The following SATB2 variants were observed in gnomAD, a reference collection of about 807,000 sequenced individuals.
SATB2 encodes SATB homeobox 2.
A neutral mutation model predicts 73.4 loss-of-function variants in SATB2; 1 was observed. The ratio of observed to expected loss-of-function variants is 0.01; its 90% CI spans 0.00 to 0.06. The LOEUF is 0.06. SATB2 is among the 10% of genes least tolerant of loss of function. The pLI, the probability that SATB2 is intolerant of heterozygous loss-of-function variation, is 1.00. For missense variants in SATB2, 459 were observed against 945.8 expected, an observed-to-expected ratio of 0.49 and a Z score of 6.75; for synonymous variants, 397 against 367.0, an observed-to-expected ratio of 1.08 and a Z score of -0.93.
At chr2:199,456,899 T>G (rs953788068) in intron 1 of SATB2, among the ~76,000 whole-genome samples, 4 of 151,450 alleles carry the variant, frequency 2.6e-5, no homozygotes, top group Non-Finnish European at 5.9e-5. Flanking sequence ...CTCCAGAAAG[T>G]TTTCCTCTGG....
chr2:199,315,366 G>C (rs931409469), intron 9 of SATB2, among the ~76,000 whole-genome samples: 2 of 152,018 alleles, frequency 1.3e-5, no homozygotes, highest in African/African-American at 4.8e-5. Flanking sequence ...GGCTGAGAAT[G>C]TTCAAATGAC....
At position 199,307,580 on chromosome 2, in the gene SATB2, T is replaced by C. The variant is rs557502077; in HGVS notation, c.1740+1180A>G. Among the ~76,000 whole-genome samples, 19 of 152,296 alleles carry C rather than the reference T, an allele frequency of 1.2e-4. No individual in the cohort carries two copies. In the South Asian group the frequency reaches 1.9e-3, roughly 15 times the overall value. ...TGCCTCTACAAATTCATAAGCCTAA[T>C]TGCCAAACTATTAAGTTTGGGCAAT... On this transcript the variant is annotated intron_variant, in intron 10 of 10. Coordinates refer to ENST00000417098, the MANE Select transcript of SATB2 (RefSeq NM_001172509.2).
intron 3 of SATB2, among the ~76,000 whole-genome samples, chr2:199,419,439 A>C (rs1454034106): frequency 1.3e-5 from 2 of 152,244 alleles, no homozygotes; most frequent in African/African-American, 4.8e-5. Context: ...CTTATTTCTA[A>C]GGAGTAAGTT....
At position 199,455,586 on chromosome 2, in the gene SATB2, AT is replaced by A. The variant is rs1402131579; in HGVS notation, c.169+282del. Among the ~76,000 whole-genome samples the A allele has an allele frequency of 6.6e-6, 1 of 152,356 alleles. No homozygotes were observed. The highest frequency in any genetic ancestry group is 1.5e-5 in the Non-Finnish European group (1 of 68,038). ...AATCACTAAAAAGCTCTCTAGGAAA[AT>A]CTAGAAACAGTTAGCTGGCTGTGAC... On this transcript the variant is annotated intron_variant, in intron 2 of 10. Transcript: ENST00000417098. The surrounding 1 kb of genome is among the most constrained non-coding windows in gnomAD (Gnocchi z 4.1).
At chr2:199,303,467 G>A (rs574681281) in intron 10 of SATB2, among the ~76,000 whole-genome samples, 2 of 152,254 alleles carry the variant, frequency 1.3e-5, no homozygotes, top group South Asian at 4.1e-4. Context: ...CTCAGAATCA[G>A]TCTCAGAGAT....
At chr2:199,397,033 T>A (rs1156454079) in intron 3 of SATB2, 1 of 151,536 alleles carries the variant, frequency 6.6e-6, no homozygotes, top group African/African-American at 2.4e-5. Context: ...AAATAAAAGG[T>A]GCTAGGAAAT....
At chr2:199,428,816 G>A (rs76070955) in intron 3 of SATB2, among the ~76,000 whole-genome samples, 4,389 of 152,128 alleles carry the variant, frequency 0.029, 233 homozygotes, top group African/African-American at 0.1. Context: ...AGAATCACCT[G>A]AGGCAACATA....
chr2:199,428,708 T>C (rs1255289687), intron 3 of SATB2, among the ~76,000 whole-genome samples: 1 of 152,228 alleles, frequency 6.6e-6, no homozygotes, highest in Admixed American at 6.5e-5. Context: ...ATATAGTAAT[T>C]GCTCAGTTGT....
rs1005710756 is a variant in SATB2, at chr2:199,364,409, C to G, written c.700+4196G>C. ...AGATCAGACAGGGTCAGATAAAATACTGATTAGTAGAATAAACCAGGCTTG... is the reference window on the plus strand; with the variant it reads ...AGATCAGACAGGGTCAGATAAAATAGTGATTAGTAGAATAAACCAGGCTTG... On this transcript the variant is annotated intron_variant, in intron 6 of 10. Transcript: ENST00000417098. Among the ~76,000 whole-genome samples the G allele has an allele frequency of 2.0e-5, 3 of 152,254 alleles. No homozygotes were observed. The East Asian group carries it at 5.8e-4, about 29-fold the overall frequency.
intron 7 of SATB2, among the ~76,000 whole-genome samples, chr2:199,346,052 A>T (rs1688641421): frequency 6.6e-6 from 1 of 152,238 alleles, no homozygotes; most frequent in East Asian, 1.9e-4. Context: ...AGTTTTTCCC[A>T]TAAAAAGGTA....
At chr2:199,374,528 T>C (rs1689540909) in intron 5 of SATB2, among the ~76,000 whole-genome samples, 1 of 152,210 alleles carries the variant, frequency 6.6e-6, no homozygotes, top group Admixed American at 6.5e-5. Flanking sequence ...TGCTACTCAG[T>C]TGTAAGCTTA....
At chr2:199,327,010 T>G (rs1362458882) in intron 8 of SATB2, among the ~76,000 whole-genome samples, 1 of 152,154 alleles carries the variant, frequency 6.6e-6, no homozygotes, top group Non-Finnish European at 1.5e-5. Context: ...GCTCAAATAT[T>G]TCTACTAGGA....
At chr2:199,379,430 G>A (rs1689698909) in intron 5 of SATB2, among the ~76,000 whole-genome samples, 1 of 152,090 alleles carries the variant, frequency 6.6e-6, no homozygotes, top group African/African-American at 2.4e-5. Flanking sequence ...TGCATAGATG[G>A]ATTTAGCATG....
intron 3 of SATB2, among the ~76,000 whole-genome samples, chr2:199,390,397 CTTA>C (rs1050080129): frequency 3.3e-5 from 5 of 152,068 alleles, no homozygotes. Flanking sequence ...TACATATTTT[CTTA>C]TTGTTGTTCT....
chr2:199,276,595 T>A (rs1249782846), intron 10 of SATB2, among the ~76,000 whole-genome samples: 1 of 152,220 alleles, frequency 6.6e-6, no homozygotes, highest in Non-Finnish European at 1.5e-5. Context: ...TTACTCCAAC[T>A]AAGAGAATGC....
intron 3 of SATB2, among the ~76,000 whole-genome samples, chr2:199,409,332 G>C (rs747360652): frequency 6.6e-6 from 1 of 151,992 alleles, no homozygotes; most frequent in East Asian, 1.9e-4. Flanking sequence ...CACCACGCCC[G>C]GCTAATTTTG....
chr2:199,289,021 C>T (rs2105738627), intron 10 of SATB2, among the ~76,000 whole-genome samples: 1 of 152,220 alleles, frequency 6.6e-6, no homozygotes, highest in African/African-American at 2.4e-5. Context: ...GACTGGCTTT[C>T]TTGGTATTAT....
At position 199,345,285 on chromosome 2, in the gene SATB2, C is replaced by CT. The variant is rs951388466; in HGVS notation, c.1173+3415dup. 2.0e-4 allele frequency among the ~76,000 whole-genome samples: 30 copies of CT among 151,392 alleles called. 1 individual carries two copies. Among genetic ancestry groups the CT allele is most frequent in the South Asian group, 6.3e-4 (3 of 4,766 alleles). ...CAAACTCATATTTTCTTTTTCTTTT[C>CT]TTTTTTTTTATTATTCTAGGGTACA... On this transcript the variant is annotated intron_variant, in intron 7 of 10. Transcript: ENST00000417098.
intron 2 of SATB2, among the ~76,000 whole-genome samples, chr2:199,441,211 T>C (rs1452617071): frequency 6.6e-6 from 1 of 152,028 alleles, no homozygotes; most frequent in Non-Finnish European, 1.5e-5. Flanking sequence ...TATTTACCCA[T>C]GACCCAGGTG....
Sources: allele counts gnomAD v4.1 joint callset (sites outside exome capture counted in the v4.1 genomes callset), GRCh38; gene constraint gnomAD v4.1.1; non-coding constraint Gnocchi (gnomAD v3.1); transcripts MANE v1.5; gene names NCBI Gene and HGNC (gene_info 2026-07-23, HGNC 2026-07-21).